CELF2: variants seen among roughly 807,000 people sequenced by gnomAD.
CELF2 encodes the protein CUG triplet repeat RNA-binding protein 2.
A neutral mutation model predicts 62.6 loss-of-function variants in CELF2; 8 were observed. The observed-to-expected ratio is 0.13, with a 90% confidence interval of 0.07 to 0.23. The LOEUF (loss-of-function observed/expected upper bound fraction) is 0.23. CELF2 is among the 10% of genes least tolerant of loss of function. The pLI, the probability that CELF2 is intolerant of heterozygous loss-of-function variation, is 1.00. For missense variants in CELF2, 333 were observed against 671.0 expected (o/e 0.50, Z 5.56); for synonymous variants, 258 against 250.0 (o/e 1.03, Z -0.30).
chr10:11,330,241 G>GA lies in CELF2; in HGVS notation c.*1190dup, dbSNP rs1260050045. The GA allele has an allele frequency of 1.3e-5, 2 of 152,538 alleles. No homozygotes were observed. The highest frequency in any genetic ancestry group is 2.9e-5 in the Non-Finnish European group (2 of 68,028). The allele number at this position is 152,538 out of a possible 1,614,324, so 9.4% of individuals were successfully genotyped here. ...CCTGTCCCTCACCCCAAAACACCCG[G>GA]AATCCATCCCGTTTCGCTCTCTCCA... On this transcript the variant is annotated 3_prime_UTR_variant, in exon 13 of 13. Transcript: ENST00000633077. This position sits in a 1 kb window ranked among gnomAD's most constrained non-coding sequence, Gnocchi z 4.5.
the CELF2 span, among the ~76,000 whole-genome samples, chr10:10,668,925 TC>T: frequency 6.6e-6 from 1 of 151,854 alleles, no homozygotes; most frequent in East Asian, 1.9e-4. Flanking sequence ...GCCACTACAC[TC>T]CAGCCTGGGC....
chr10:10,899,749 C>T (rs561919368), intron 1 of CELF2, among the ~76,000 whole-genome samples: 23 of 152,086 alleles, frequency 1.5e-4, no homozygotes, highest in Non-Finnish European at 3.1e-4. Flanking sequence ...CGGAAAGTGA[C>T]GGGGAAGCTA....
intron 2 of CELF2, among the ~76,000 whole-genome samples, chr10:10,999,042 T>C (rs1351213688): frequency 6.6e-6 from 1 of 152,222 alleles, no homozygotes. Context: ...TATGAAAACA[T>C]CAAGTTTATC....
chr10:10,878,904 T>C (rs2061275557), intron 1 of CELF2, among the ~76,000 whole-genome samples: 1 of 152,194 alleles, frequency 6.6e-6, no homozygotes, highest in Non-Finnish European at 1.5e-5. Flanking sequence ...GCTTTGTGGT[T>C]GATTCCCTCC....
At chr10:11,181,515 T>A (rs1455869917) in intron 2 of CELF2, among the ~76,000 whole-genome samples, 2 of 152,258 alleles carry the variant, frequency 1.3e-5, no homozygotes, top group African/African-American at 2.4e-5. Context: ...GTGTCATTTC[T>A]TCTTCCCAGT....
At chr10:10,616,719 T>TGTGTGTGA in the CELF2 span, among the ~76,000 whole-genome samples, 711 of 55,232 alleles carry the variant, frequency 0.013, 1 homozygote, top group Non-Finnish European at 0.027. Context: ...TGTGTGTGTG[T>TGTGTGTGA]GAGAGAGAGA....
intron 1 of CELF2, among the ~76,000 whole-genome samples, chr10:10,802,605 T>A (rs2054785616): frequency 6.6e-6 from 1 of 152,212 alleles, no homozygotes; most frequent in South Asian, 2.1e-4. Flanking sequence ...CCAGAATATC[T>A]GGTGTCTCCT....
intron 1 of CELF2, among the ~76,000 whole-genome samples, chr10:11,144,969 A>G (rs564462541): frequency 6.6e-6 from 1 of 151,820 alleles, no homozygotes; most frequent in South Asian, 2.1e-4. Flanking sequence ...AGTTGAAAAT[A>G]TGCGAAGCTG....
At chr10:10,598,448 C>T in the CELF2 span, among the ~76,000 whole-genome samples, 2 of 152,188 alleles carry the variant, frequency 1.3e-5, no homozygotes, top group African/African-American at 4.8e-5. Flanking sequence ...AGCATGGAAA[C>T]AGAAGCCTGG....
At chr10:10,518,726 T>TAAAAAA in the CELF2 span, among the ~76,000 whole-genome samples, 1,569 of 150,980 alleles carry the variant, frequency 0.01, 6 homozygotes, top group Non-Finnish European at 0.014. Context: ...GATTTTTTTT[T>TAAAAAA]AAAAAAAAAT....
the CELF2 span, among the ~76,000 whole-genome samples, chr10:10,746,059 G>A: frequency 6.6e-6 from 1 of 152,116 alleles, no homozygotes; most frequent in Non-Finnish European, 1.5e-5. Context: ...ATTTTAATTA[G>A]ATGGCCAGTC....
rs898489187 is a variant in CELF2 at position 11,217,059 on chromosome 10, T to C, written c.272-366T>C. 5.9e-5 allele frequency among the ~76,000 whole-genome samples: 9 copies of C among 152,230 alleles called. No homozygotes were observed. Among genetic ancestry groups the C allele is most frequent in the African/African-American group, 1.7e-4 (7 of 41,454 alleles). ...TACACTTTAAGAAAATTATAATTAA[T>C]GTAAGCTTGTGCTGTTGTTATTGTG... is the stretch of plus-strand genomic sequence containing the variant. On this transcript the variant is annotated intron_variant, in intron 2 of 12. Coordinates refer to ENST00000633077, the MANE Select transcript of CELF2 (RefSeq NM_001326342.2). The surrounding 1 kb of genome is among the most constrained non-coding windows in gnomAD (Gnocchi z 5.6).
intron 1 of CELF2, among the ~76,000 whole-genome samples, chr10:11,089,248 G>T (rs1198964989): frequency 2.0e-5 from 3 of 152,190 alleles, no homozygotes; most frequent in African/African-American, 7.2e-5. Context: ...GAAACACACA[G>T]TAGGCCACAG....
the CELF2 span, among the ~76,000 whole-genome samples, chr10:10,594,785 C>G: frequency 6.6e-6 from 1 of 152,150 alleles, no homozygotes; most frequent in Non-Finnish European, 1.5e-5. Context: ...GAATTCATCT[C>G]TCCCCTTAGA....
the CELF2 span, among the ~76,000 whole-genome samples, chr10:10,611,591 A>G: frequency 7.9e-5 from 12 of 152,092 alleles, no homozygotes; most frequent in Non-Finnish European, 1.8e-4. Flanking sequence ...TACAAATCCA[A>G]CATGATTGAA....
rs1359304574 is a variant in CELF2, at chr10:11,332,846, GCCTT to G, written c.*3799_*3802del. The G allele has an allele frequency of 6.6e-5, 10 of 152,582 alleles. No individual in the cohort carries two copies. The highest frequency in any genetic ancestry group is 2.4e-4 in the African/African-American group (10 of 41,414). The allele number at this position is 152,582 out of a possible 1,614,324, so 9.5% of individuals were successfully genotyped here. ...CTCACATGTGTTTACTACTGCTGGGGCCTTCCTTCATCCTCTGAGGGCTATTTTG... is the reference window on the plus strand; with the variant it reads ...CTCACATGTGTTTACTACTGCTGGGGCCTTCATCCTCTGAGGGCTATTTTG... On this transcript the variant is annotated 3_prime_UTR_variant, in exon 13 of 13. Transcript: ENST00000633077.
At chr10:10,772,548 A>T in the CELF2 span, among the ~76,000 whole-genome samples, 1 of 152,224 alleles carries the variant, frequency 6.6e-6, no homozygotes, top group Non-Finnish European at 1.5e-5. Flanking sequence ...AATATTTGCA[A>T]ATTAGGGTCC....
Position 11,290,176 on chromosome 10 carries a change from G to C in CELF2, c.976+1624G>C, listed in dbSNP as rs1224768280. The stretch of plus-strand genomic sequence containing the variant: ...CAGGACAGATGTGCTGCCTACCTTC[G>C]GGAGTCCTTCAGTCCTTCAGGGACT... On this transcript the variant is annotated intron_variant, in intron 9 of 12. Coordinates refer to ENST00000633077, the MANE Select transcript of CELF2 (RefSeq NM_001326342.2). This position sits in a 1 kb window ranked among gnomAD's most constrained non-coding sequence, Gnocchi z 4.3. Among the ~76,000 whole-genome samples, 1 of 152,098 alleles carries C rather than the reference G, an allele frequency of 6.6e-6. No homozygotes were observed. The highest frequency in any genetic ancestry group is 1.5e-5 in the Non-Finnish European group (1 of 68,020).
chr10:10,576,199 A>T, the CELF2 span, among the ~76,000 whole-genome samples: 2 of 152,174 alleles, frequency 1.3e-5, no homozygotes, highest in African/African-American at 2.4e-5. Flanking sequence ...TTGGGGGGCT[A>T]CGGGTATAAA....
Sources: gnomAD v4.1 joint callset for allele counts (sites outside exome capture counted in the v4.1 genomes callset) on GRCh38, gnomAD v4.1.1 for gene constraint, Gnocchi (gnomAD v3.1) non-coding constraint, MANE v1.5 for transcripts, NCBI Gene and HGNC (gene_info 2026-07-23, HGNC 2026-07-21) for gene names.